Variants in PCNX2 observed in about 807,000 individuals in gnomAD.
The protein encoded by PCNX2 is pecanex-like protein 2.
A neutral mutation model predicts 223.8 loss-of-function variants in PCNX2; 168 were observed. The ratio of observed to expected loss-of-function variants is 0.75; its 90% CI spans 0.66 to 0.85. The LOEUF (loss-of-function observed/expected upper bound fraction) is 0.85. Ranked by LOEUF, PCNX2 falls within the 40% of genes least tolerant of loss-of-function variation. The pLI, the probability that PCNX2 is intolerant of heterozygous loss-of-function variation, is 0.00. For synonymous variants in PCNX2, 1,006 were observed against 1,052.6 expected (o/e 0.96, Z 0.86); for missense variants, 2,507 against 2,675.5 (o/e 0.94, Z 1.39).
At chr1:233,134,768 A>C (rs1676711680) in intron 21 of PCNX2, 1 of 548,202 alleles carries the variant, frequency 1.8e-6, no homozygotes, top group Non-Finnish European at 3.2e-6. Context: ...GAAGGTAATA[A>C]AATTTCAAGT....
In PCNX2 at chr1:233,167,336, AAGAG is replaced by A. The variant is rs71821384; in HGVS notation, c.3274-5977_3274-5974del. On this transcript the variant is annotated intron_variant, in intron 17 of 33. Coordinates refer to ENST00000258229, the MANE Select transcript of PCNX2 (RefSeq NM_014801.4). ...TGATTTCACTTTTATGTAGAATCTA[AAGAG>A]AGAGAGAGAGAGAGAGAGAGTCAAA... Among the ~76,000 whole-genome samples the A allele has an allele frequency of 8.4e-4, 125 of 149,054 alleles. 1 individual carries two copies. The highest frequency in any genetic ancestry group is 1.6e-3 in the African/African-American group (65 of 40,668).
intron 10 of PCNX2, among the ~76,000 whole-genome samples, chr1:233,218,879 G>A (rs1414813064): frequency 2.0e-5 from 3 of 152,146 alleles, no homozygotes; most frequent in Non-Finnish European, 4.4e-5. Context: ...TAAGGGGGAT[G>A]CATTCACACC....
At chr1:233,282,897 A>G (rs984381082) in intron 1 of PCNX2, among the ~76,000 whole-genome samples, 1 of 152,198 alleles carries the variant, frequency 6.6e-6, no homozygotes, top group East Asian at 1.9e-4. Context: ...CTACAAGTGA[A>G]CCTAACTATA....
At chr1:233,149,459 T>C (rs1558283393) in intron 19 of PCNX2, among the ~76,000 whole-genome samples, 1 of 140,956 alleles carries the variant, frequency 7.1e-6, no homozygotes, top group East Asian at 2.0e-4. Flanking sequence ...TGCATTTCAG[T>C]GGGGGTGAGG....
chr1:233,180,319 T>C (rs763405625), intron 15 of PCNX2, among the ~76,000 whole-genome samples: 3 of 152,182 alleles, frequency 2.0e-5, no homozygotes, highest in Non-Finnish European at 4.4e-5. Flanking sequence ...AAATACATGT[T>C]ACCACCCCAA....
At chr1:233,135,447 G>T (rs79351351) in intron 20 of PCNX2, among the ~76,000 whole-genome samples, 3,032 of 152,312 alleles carry the variant, frequency 0.02, 40 homozygotes, top group East Asian at 0.051. Flanking sequence ...CTCAAGCACA[G>T]TGTCTTTGCC....
intron 1 of PCNX2, among the ~76,000 whole-genome samples, chr1:233,282,036 C>T (rs74147362): frequency 6.6e-6 from 1 of 151,866 alleles, no homozygotes; most frequent in South Asian, 2.1e-4. Flanking sequence ...TCTTCACCTC[C>T]CATTGCCTCT....
At chr1:233,016,680 G>A (rs146915354) in intron 27 of PCNX2, 14 of 766,844 alleles carry the variant, frequency 1.8e-5, no homozygotes, top group Middle Eastern at 6.6e-4. Context: ...TTAAAACTTC[G>A]CTGGCCCTGA....
rs746406640 is a variant in PCNX2 at position 233,017,016 on chromosome 1, C to T, written c.4744G>A (p.Asp1582Asn). The stretch of plus-strand genomic sequence containing the variant: ...CCCTGGAGACACGGGACGTAGTCAT[C>T]ATCAATGTTAATGTTGAACATTGCA... ...DLAMFNINIDDDYVPCLQGIT... is the reference protein window; with the variant it reads ...DLAMFNINIDNDYVPCLQGIT... Residue 1582 changes from aspartate (D) to asparagine (N), a missense_variant, in exon 27 of 34, where the codon GAT (aspartate) becomes AAT (asparagine). Coordinates refer to ENST00000258229, the MANE Select transcript of PCNX2 (RefSeq NM_014801.4). 3.1e-6 allele frequency: 5 copies of T among 1,613,980 alleles called. No individual in the cohort carries two copies. Among genetic ancestry groups the T allele is most frequent in the Admixed American group, 1.7e-5 (1 of 60,008 alleles).
chr1:233,134,772 T>C, intron 21 of PCNX2: 1 of 548,144 alleles, frequency 1.8e-6, no homozygotes, highest in Non-Finnish European at 3.2e-6. Flanking sequence ...GTAATAAAAT[T>C]TCAAGTCACA....
intron 9 of PCNX2, chr1:233,232,849 A>C: frequency 2.0e-6 from 2 of 985,352 alleles, no homozygotes; most frequent in Non-Finnish European, 2.4e-6. Context: ...GCAATGCTTG[A>C]CCGTCATGCT....
At chr1:233,220,996 G>A (rs1186896869) in intron 10 of PCNX2, among the ~76,000 whole-genome samples, 1 of 152,318 alleles carries the variant, frequency 6.6e-6, no homozygotes, top group Non-Finnish European at 1.5e-5. Flanking sequence ...TGGGGCTGCC[G>A]AGAGGCATAG....
chr1:233,249,598 A>G (rs184917327), intron 8 of PCNX2, among the ~76,000 whole-genome samples: 5 of 152,300 alleles, frequency 3.3e-5, no homozygotes, highest in African/African-American at 9.6e-5. Context: ...GGTCCATGGT[A>G]CCTGAGGGAA....
upstream of PCNX2, among the ~76,000 whole-genome samples, chr1:233,298,034 G>T (rs1004106853): frequency 6.6e-6 from 1 of 152,154 alleles, no homozygotes; most frequent in Non-Finnish European, 1.5e-5. Flanking sequence ...TTGAGTTGCT[G>T]AGGGACTTTG....
At chr1:233,085,050 A>G (rs1330087556) in intron 23 of PCNX2, among the ~76,000 whole-genome samples, 1 of 152,182 alleles carries the variant, frequency 6.6e-6, no homozygotes, top group Non-Finnish European at 1.5e-5. Flanking sequence ...AGAAATATTT[A>G]CAGGCCAGGC....
intron 23 of PCNX2, among the ~76,000 whole-genome samples, chr1:233,085,901 C>T (rs113414488): frequency 6.6e-6 from 1 of 152,282 alleles, no homozygotes; most frequent in African/African-American, 2.4e-5. Context: ...CCACTCAGCC[C>T]AGCCCTTCCC....
intron 23 of PCNX2, among the ~76,000 whole-genome samples, chr1:233,068,145 G>A (rs1672699504): frequency 6.6e-6 from 1 of 152,120 alleles, no homozygotes; most frequent in African/African-American, 2.4e-5. Context: ...ATAGAGGTCA[G>A]GAAGAAATAG....
chr1:233,283,738 T>C (rs985507736), intron 1 of PCNX2, among the ~76,000 whole-genome samples: 1 of 151,830 alleles, frequency 6.6e-6, no homozygotes, highest in African/African-American at 2.4e-5. Flanking sequence ...TTAATAAAGG[T>C]AGGAAGAAAA....
intron 4 of PCNX2, 53 bp downstream of exon 4, chr1:233,261,232 C>T: frequency 6.8e-7 from 1 of 1,463,824 alleles, no homozygotes. Flanking sequence ...AAAAATATTT[C>T]TCACTTCACT....
Sources: allele counts gnomAD v4.1 joint callset (sites outside exome capture counted in the v4.1 genomes callset), GRCh38; gene constraint gnomAD v4.1.1; transcripts MANE v1.5; gene names NCBI Gene and HGNC (gene_info 2026-07-23, HGNC 2026-07-21).